The following ZBTB20 variants were observed in gnomAD, a reference collection of about 807,000 sequenced individuals.
ZBTB20 encodes zinc finger and BTB domain-containing protein 20.
Under a neutral mutation model 56.9 loss-of-function variants are expected in ZBTB20, and 9 were observed. The ratio of observed to expected loss-of-function variants is 0.16; its 90% CI spans 0.10 to 0.28. The LOEUF (loss-of-function observed/expected upper bound fraction) is 0.28, where lower values mean the gene tolerates loss of function less well. Ranked by LOEUF, ZBTB20 falls within the 10% of genes least tolerant of loss-of-function variation. The probability of loss-of-function intolerance (pLI) is 1.00; values close to 1 mark genes in which losing one functional copy is unlikely to be tolerated. For synonymous variants in ZBTB20, 417 were observed against 420.7 expected (o/e 0.99, Z 0.11); for missense variants, 655 against 1,003.0 (o/e 0.65, Z 4.69).
intron 6 of ZBTB20, among the ~76,000 whole-genome samples, chr3:114,600,664 C>T (rs945524612): frequency 2.0e-5 from 3 of 151,906 alleles, no homozygotes; most frequent in Non-Finnish European, 4.4e-5. Context: ...CATTGAAAGG[C>T]TCTGAGTTAG....
At chr3:114,471,310 A>G (rs1038868115) in intron 7 of ZBTB20, among the ~76,000 whole-genome samples, 5 of 152,218 alleles carry the variant, frequency 3.3e-5, no homozygotes, top group South Asian at 4.1e-4. Flanking sequence ...AGAGGCTTAG[A>G]GATGGTAAAT....
intron 1 of ZBTB20, among the ~76,000 whole-genome samples, chr3:115,086,989 T>C (rs1560561410): frequency 6.6e-6 from 1 of 151,786 alleles, no homozygotes; most frequent in Non-Finnish European, 1.5e-5. Context: ...GAGAAGTTGA[T>C]CCAAAACATA....
chr3:114,575,747 T>C (rs2053947123), intron 6 of ZBTB20, among the ~76,000 whole-genome samples: 1 of 152,160 alleles, frequency 6.6e-6, no homozygotes, highest in Non-Finnish European at 1.5e-5. Flanking sequence ...AAATGAAAAC[T>C]TAACGGTAGT....
intron 5 of ZBTB20, among the ~76,000 whole-genome samples, chr3:114,717,325 C>T (rs73228318): frequency 0.027 from 4,149 of 152,118 alleles, 72 homozygotes; most frequent in South Asian, 0.051. Context: ...GAACTTTAGA[C>T]GTTATCAATA....
chr3:114,663,182 C>T (rs995280949), intron 6 of ZBTB20, among the ~76,000 whole-genome samples: 4 of 144,938 alleles, frequency 2.8e-5, no homozygotes, highest in Non-Finnish European at 4.6e-5. Context: ...AGACTAACAG[C>T]GGATCTCTCG....
chr3:114,373,375 T>C (rs1310099140), intron 10 of ZBTB20, among the ~76,000 whole-genome samples: 1 of 152,230 alleles, frequency 6.6e-6, no homozygotes, highest in Non-Finnish European at 1.5e-5. Flanking sequence ...ATAGACAATG[T>C]TACCCAAATA....
chr3:114,576,336 A>T (rs1487603773), intron 6 of ZBTB20, among the ~76,000 whole-genome samples: 1 of 151,238 alleles, frequency 6.6e-6, no homozygotes, highest in Non-Finnish European at 1.5e-5. Flanking sequence ...CGTCTCTACT[A>T]AAAATACAAA....
chr3:114,595,305 T>C (rs2056217450), intron 6 of ZBTB20, among the ~76,000 whole-genome samples: 1 of 152,242 alleles, frequency 6.6e-6, no homozygotes, highest in African/African-American at 2.4e-5. Flanking sequence ...AAAGGCTGGC[T>C]CATAATTATG....
intron 3 of ZBTB20, among the ~76,000 whole-genome samples, chr3:114,938,987 A>G (rs1003838265): frequency 4.1e-5 from 6 of 144,994 alleles, no homozygotes; most frequent in African/African-American, 1.7e-4. Flanking sequence ...TTGGGCAGAA[A>G]TGTCCCCGTT....
chr3:114,399,930 A>G (rs1463921149), intron 7 of ZBTB20, among the ~76,000 whole-genome samples: 1 of 152,110 alleles, frequency 6.6e-6, no homozygotes, highest in Non-Finnish European at 1.5e-5. Context: ...TCTAAAAATG[A>G]GTTCTCCCTA....
intron 5 of ZBTB20, among the ~76,000 whole-genome samples, chr3:114,702,490 A>G (rs959805633): frequency 6.6e-6 from 1 of 151,872 alleles, no homozygotes; most frequent in Non-Finnish European, 1.5e-5. Flanking sequence ...CTTTGTCAAA[A>G]TTTCTGGTAA....
At chr3:114,891,677 C>T (rs1437800548) in intron 4 of ZBTB20, among the ~76,000 whole-genome samples, 4 of 152,128 alleles carry the variant, frequency 2.6e-5, no homozygotes, top group African/African-American at 4.8e-5. Flanking sequence ...TAACACTTAA[C>T]GATTAAATAT....
At chr3:114,382,597 T>C (rs1471092229) in intron 8 of ZBTB20, among the ~76,000 whole-genome samples, 1 of 152,222 alleles carries the variant, frequency 6.6e-6, no homozygotes, top group Non-Finnish European at 1.5e-5. Flanking sequence ...ACTGTCTTGA[T>C]TCCTCTCTGC....
chr3:114,498,998 G>A (rs2043624397), intron 7 of ZBTB20, among the ~76,000 whole-genome samples: 1 of 152,180 alleles, frequency 6.6e-6, no homozygotes, highest in Non-Finnish European at 1.5e-5. Flanking sequence ...TATGTGAACT[G>A]TTTTTACACA....
At chr3:114,846,114 A>G (rs1042353390) in intron 4 of ZBTB20, among the ~76,000 whole-genome samples, 6 of 152,190 alleles carry the variant, frequency 3.9e-5, no homozygotes, top group African/African-American at 1.2e-4. Context: ...TATAGAGAGT[A>G]TAATAGGGTT....
intron 6 of ZBTB20, among the ~76,000 whole-genome samples, chr3:114,546,493 T>C (rs1277650751): frequency 6.6e-6 from 1 of 151,890 alleles, no homozygotes; most frequent in Non-Finnish European, 1.5e-5. Flanking sequence ...CTGAAGGTTC[T>C]AGTCTGGACT....
intron 1 of ZBTB20, among the ~76,000 whole-genome samples, chr3:115,083,347 C>T (rs1280975574): frequency 6.6e-6 from 1 of 151,882 alleles, no homozygotes; most frequent in Non-Finnish European, 1.5e-5. Context: ...TATTAGATAC[C>T]ACTATATCTA....
intron 2 of ZBTB20, among the ~76,000 whole-genome samples, chr3:114,993,813 C>A (rs543541412): frequency 1.3e-5 from 2 of 151,260 alleles, no homozygotes; most frequent in Admixed American, 6.6e-5. Flanking sequence ...TTTTTAAATA[C>A]GTAAAATTAA....
chr3:114,510,588 A>G (rs1233664614), intron 6 of ZBTB20, among the ~76,000 whole-genome samples: 3 of 152,028 alleles, frequency 2.0e-5, no homozygotes, highest in Non-Finnish European at 2.9e-5. Context: ...CTCAGTGAGG[A>G]AAGCATGGTG....
Sources: gnomAD v4.1 joint callset for allele counts (sites outside exome capture counted in the v4.1 genomes callset) on GRCh38, gnomAD v4.1.1 for gene constraint, MANE v1.5 for transcripts, NCBI Gene and HGNC (gene_info 2026-07-23, HGNC 2026-07-21) for gene names.